Variants in ADAMTSL1 observed in about 807,000 individuals in gnomAD.
The protein encoded by ADAMTSL1 is ADAMTS-like protein 1.
ADAMTSL1 carries 126 observed loss-of-function variants against 201.8 expected under a neutral mutation model. That is an observed-to-expected ratio of 0.62 (90% CI 0.54 to 0.72). ADAMTSL1 has a LOEUF of 0.72. ADAMTSL1 is among the 30% of genes least tolerant of loss of function. The pLI is 0.00. For synonymous variants in ADAMTSL1, 1,121 were observed against 903.4 expected, an observed-to-expected ratio of 1.24 and a Z score of -4.32; for missense variants, 2,679 against 2,277.8, an observed-to-expected ratio of 1.18 and a Z score of -3.59.
chr9:18,039,790 T>G (rs1320918979), intron 1 of ADAMTSL1, among the ~76,000 whole-genome samples: 2 of 152,186 alleles, frequency 1.3e-5, no homozygotes, highest in African/African-American at 4.8e-5. Context: ...TTGAGGATAC[T>G]CATTTTTAAA....
chr9:18,417,375 A>G lies in ADAMTSL1; in HGVS notation c.208-87454A>G, dbSNP rs569260667. Among the ~76,000 whole-genome samples, 7 of 149,008 alleles carry G rather than the reference A, an allele frequency of 4.7e-5. No homozygotes were observed. In the East Asian group the frequency reaches 1.2e-3, roughly 25 times the overall value. ...AGAACTAAAGTAAGCAGGAAAAAAA[A>G]AAAAAAGAAAAAAAAAACAAAGATG... On this transcript the variant is annotated intron_variant, in intron 2 of 29. Coordinates refer to the ADAMTSL1 transcript ENST00000680146.
intron 2 of ADAMTSL1, among the ~76,000 whole-genome samples, chr9:18,405,959 A>G (rs911260213): frequency 2.0e-5 from 3 of 152,242 alleles, no homozygotes; most frequent in Non-Finnish European, 2.9e-5. Flanking sequence ...AGTTACCCAC[A>G]TAATTTATCA....
At chr9:18,679,908 T>C (rs1830355098) in intron 10 of ADAMTSL1, among the ~76,000 whole-genome samples, 1 of 152,192 alleles carries the variant, frequency 6.6e-6, no homozygotes, top group Non-Finnish European at 1.5e-5. Context: ...AAACCATTAG[T>C]GTTAACTGAG....
At chr9:18,345,929 T>C (rs915208995) in intron 2 of ADAMTSL1, among the ~76,000 whole-genome samples, 1 of 152,100 alleles carries the variant, frequency 6.6e-6, no homozygotes, top group Admixed American at 6.6e-5. Context: ...CTGCAGGCCC[T>C]GTAAACAAAC....
intron 2 of ADAMTSL1, among the ~76,000 whole-genome samples, chr9:18,292,347 T>C (rs777327680): frequency 6.6e-6 from 1 of 152,072 alleles, no homozygotes; most frequent in African/African-American, 2.4e-5. Context: ...GATAGCAGTA[T>C]GATGAAATGG....
chr9:18,213,310 C>T (rs1193156072), intron 2 of ADAMTSL1, among the ~76,000 whole-genome samples: 2 of 152,294 alleles, frequency 1.3e-5, no homozygotes, highest in East Asian at 3.9e-4. Context: ...GCTCTTGATT[C>T]ATTGGAACTG....
chr9:18,406,097 A>G (rs1000538178), intron 2 of ADAMTSL1, among the ~76,000 whole-genome samples: 15 of 152,222 alleles, frequency 9.9e-5, no homozygotes, highest in Non-Finnish European at 1.3e-4. Flanking sequence ...CGTGTTTTAG[A>G]GAATTTTCTC....
intron 5 of ADAMTSL1, among the ~76,000 whole-genome samples, chr9:18,627,199 C>T (rs1371609591): frequency 6.6e-6 from 1 of 152,094 alleles, no homozygotes; most frequent in African/African-American, 2.4e-5. Flanking sequence ...CCAGGCTGGT[C>T]TCAAATTCCT....
intron 2 of ADAMTSL1, among the ~76,000 whole-genome samples, chr9:18,289,848 C>G (rs1412649240): frequency 6.6e-6 from 1 of 152,162 alleles, no homozygotes; most frequent in African/African-American, 2.4e-5. Context: ...GAACTTTCAG[C>G]AAAGTTTCCA....
At chr9:18,245,442 G>C (rs956541809) in intron 2 of ADAMTSL1, among the ~76,000 whole-genome samples, 1 of 152,072 alleles carries the variant, frequency 6.6e-6, no homozygotes, top group Non-Finnish European at 1.5e-5. Context: ...AGCTACTCGG[G>C]GTTTGTGACT....
chr9:18,715,569 A>G (rs953143434), intron 14 of ADAMTSL1, among the ~76,000 whole-genome samples: 13 of 152,096 alleles, frequency 8.5e-5, no homozygotes, highest in East Asian at 7.7e-4. Context: ...ACAAACCACT[A>G]CTCAAGGAAA....
intron 19 of ADAMTSL1, among the ~76,000 whole-genome samples, chr9:18,779,239 C>G (rs1821242352): frequency 6.6e-6 from 1 of 152,228 alleles, no homozygotes; most frequent in African/African-American, 2.4e-5. Context: ...TCTGTCTACT[C>G]TTCTGAGACT....
chr9:18,729,315 T>C (rs1818076950), intron 15 of ADAMTSL1, among the ~76,000 whole-genome samples: 1 of 152,160 alleles, frequency 6.6e-6, no homozygotes, highest in African/African-American at 2.4e-5. Flanking sequence ...GAAGGAACAA[T>C]TCTAATCAGA....
chr9:18,644,373 T>TTCTTTA (rs1470920030), intron 7 of ADAMTSL1, among the ~76,000 whole-genome samples: 1 of 143,978 alleles, frequency 6.9e-6, no homozygotes, highest in Non-Finnish European at 1.6e-5. Context: ...GAATTTTATT[T>TTCTTTA]TTTTTATTTT....
At chr9:18,019,074 G>A (rs1055513742) in intron 1 of ADAMTSL1, among the ~76,000 whole-genome samples, 4 of 151,978 alleles carry the variant, frequency 2.6e-5, no homozygotes, top group African/African-American at 9.7e-5. Flanking sequence ...TTAAGAAAAT[G>A]TTTTCGAAAA....
At chr9:17,936,221 A>G (rs1827003667) in intron 1 of ADAMTSL1, among the ~76,000 whole-genome samples, 1 of 152,194 alleles carries the variant, frequency 6.6e-6, no homozygotes, top group South Asian at 2.1e-4. Flanking sequence ...CATTTTACAG[A>G]CTTATTATGT....
At chr9:18,125,416 A>G (rs894579704) in intron 1 of ADAMTSL1, among the ~76,000 whole-genome samples, 3 of 152,122 alleles carry the variant, frequency 2.0e-5, no homozygotes, top group Non-Finnish European at 4.4e-5. Flanking sequence ...GTAGGGACAC[A>G]CCCAAACCAT....
chr9:18,306,783 C>A (rs1483663670), intron 2 of ADAMTSL1, among the ~76,000 whole-genome samples: 1 of 152,098 alleles, frequency 6.6e-6, no homozygotes, highest in Non-Finnish European at 1.5e-5. Context: ...GTATATTATC[C>A]AGGAGAACTT....
At chr9:18,607,073 A>C (rs1825068094) in intron 4 of ADAMTSL1, among the ~76,000 whole-genome samples, 1 of 152,032 alleles carries the variant, frequency 6.6e-6, no homozygotes, top group Non-Finnish European at 1.5e-5. Context: ...CTCTTAACAC[A>C]CTCATTAAAA....
Sources: gnomAD v4.1 joint callset for allele counts (sites outside exome capture counted in the v4.1 genomes callset) on GRCh38, gnomAD v4.1.1 for gene constraint, MANE v1.5 for transcripts, NCBI Gene and HGNC (gene_info 2026-07-23, HGNC 2026-07-21) for gene names.